TNPO3: variants seen among roughly 807,000 people sequenced by gnomAD.
TNPO3 encodes the protein transportin 3, also known as transportin-3.
A neutral mutation model predicts 122.8 loss-of-function variants in TNPO3; 65 were observed. The observed-to-expected ratio is 0.53, with a 90% CI of 0.43 to 0.65. The LOEUF (loss-of-function observed/expected upper bound fraction) is 0.65. Among genes scored for constraint, TNPO3 ranks in the 30% least tolerant of loss-of-function variants. The probability of loss-of-function intolerance (pLI) is 0.00; values close to 1 mark genes in which losing one functional copy is unlikely to be tolerated. For missense variants in TNPO3, 850 were observed against 1,136.7 expected (o/e 0.75, Z 3.63); for synonymous variants, 372 against 411.2 (o/e 0.90, Z 1.15).
intron 1 of TNPO3, among the ~76,000 whole-genome samples, chr7:129,038,379 G>A (rs144374970): frequency 1.3e-5 from 2 of 152,322 alleles, no homozygotes; most frequent in Non-Finnish European, 2.9e-5. Context: ...CACACTGTTG[G>A]TGGGAGTGTA....
chr7:129,034,894 CAAAA>C (rs1219082555), intron 1 of TNPO3, among the ~76,000 whole-genome samples: 3 of 48,384 alleles, frequency 6.2e-5, no homozygotes, highest in Non-Finnish European at 4.2e-5. Context: ...GACTCTGTCT[CAAAA>C]AAAAAAAAAA....
At chr7:128,988,670 C>CA (rs1383770340) in intron 11 of TNPO3, among the ~76,000 whole-genome samples, 1 of 152,010 alleles carries the variant, frequency 6.6e-6, no homozygotes, top group Non-Finnish European at 1.5e-5. Context: ...TTAAAACAAA[C>CA]AAATCTACTA....
chr7:129,001,232 T>C lies in TNPO3; in HGVS notation c.699A>G (p.Gln233=). 6.3e-7 allele frequency: 1 copy of C among 1,597,320 alleles called. No homozygotes were observed. The highest frequency in any genetic ancestry group is 8.6e-7 in the Non-Finnish European group (1 of 1,167,138). The part of the protein sequence containing the change: ...KLLALLFEVL[Q]QDKTSSNLHE... The stretch of plus-strand genomic sequence containing the variant: ...GTAGGTTAGACGAGGTCTTATCCTG[T>C]TGCTGGGGAGGTAGCAGGAATAGGG... The change falls in exon 6 of 23, where the codon CAA becomes CAG. Residue 233 remains glutamine, a splice_region_variant and synonymous_variant. Coordinates refer to ENST00000265388, the MANE Select transcript of TNPO3 (RefSeq NM_012470.4).
At chr7:128,989,870 A>T in intron 11 of TNPO3, 91 bp downstream of exon 11, 1 of 1,460,828 alleles carries the variant, frequency 6.8e-7, no homozygotes, top group Middle Eastern at 2.0e-4. Context: ...TTAAAAAAAC[A>T]GAAAGGAAAA....
intron 1 of TNPO3, among the ~76,000 whole-genome samples, chr7:129,045,497 G>GA (rs766170949): frequency 0.029 from 2,469 of 84,568 alleles, 82 homozygotes; most frequent in Admixed American, 0.13. Context: ...CCCTGTCTCA[G>GA]AAAAAAAAAA....
chr7:128,976,027 T>C lies in TNPO3; in HGVS notation c.2062-92A>G, dbSNP rs542285600. 3.1e-5 allele frequency: 27 copies of C among 884,324 alleles called. No individual in the cohort carries two copies. The African/African-American group carries it at 3.1e-4, about 10-fold the overall frequency. 54.8% of individuals were successfully genotyped at this position (884,324 alleles called of 1,614,324 possible). On this transcript the variant is annotated intron_variant, in intron 16 of 22. Coordinates refer to ENST00000265388, the MANE Select transcript of TNPO3 (RefSeq NM_012470.4). ...CTCCAGGAAGAAATTCAGAGATAGA[T>C]TGGCTTCTTCTCTTTAAGGCAACAT... is the stretch of plus-strand genomic sequence containing the variant.
At chr7:128,992,596 G>T (rs1177420285) in intron 9 of TNPO3, among the ~76,000 whole-genome samples, 2 of 152,046 alleles carry the variant, frequency 1.3e-5, no homozygotes, top group Non-Finnish European at 2.9e-5. Flanking sequence ...TTAAAAAAAG[G>T]TACACCTAGC....
In TNPO3 at chr7:128,991,987, T is replaced by G. The variant is rs746455886; in HGVS notation, c.1358+12A>C. On this transcript the variant is annotated intron_variant, in intron 10 of 22. Coordinates refer to ENST00000265388, the MANE Select transcript of TNPO3 (RefSeq NM_012470.4). ...TTTAGAGTTCCCAGCAAAAGACTTA[T>G]GAGACACTCACGGATCAACACTCTT... 7.6e-6 allele frequency: 12 copies of G among 1,570,606 alleles called. No homozygotes were observed. The highest frequency in any genetic ancestry group is 9.5e-6 in the Non-Finnish European group (11 of 1,156,160).
chr7:129,041,195 T>C (rs1044816709), intron 1 of TNPO3, among the ~76,000 whole-genome samples: 18 of 151,856 alleles, frequency 1.2e-4, no homozygotes, highest in African/African-American at 3.4e-4. Context: ...AGCAAGATCC[T>C]GTCTCTAAAA....
intron 3 of TNPO3, among the ~76,000 whole-genome samples, chr7:129,016,224 C>T (rs532835514): frequency 6.6e-6 from 1 of 152,090 alleles, no homozygotes; most frequent in African/African-American, 2.4e-5. Flanking sequence ...CCAAACCCCG[C>T]CTCTACTGAA....
At chr7:128,964,497 G>A (rs536578184) in intron 21 of TNPO3, among the ~76,000 whole-genome samples, 211 of 152,002 alleles carry the variant, frequency 1.4e-3, no homozygotes, top group South Asian at 1.7e-3. Flanking sequence ...CACCACGCCC[G>A]GCTAATTTTT....
chr7:129,016,131 G>A (rs1803828247), intron 3 of TNPO3, among the ~76,000 whole-genome samples: 2 of 152,040 alleles, frequency 1.3e-5, no homozygotes, highest in Admixed American at 1.3e-4. Context: ...AGCTGGATGA[G>A]GTGGCTCACG....
intron 19 of TNPO3, 93 bp downstream of exon 19, chr7:128,972,333 G>C: frequency 7.2e-7 from 1 of 1,389,654 alleles, no homozygotes; most frequent in Admixed American, 2.1e-5. Context: ...GATCAAGTAA[G>C]GAAATACTGG....
chr7:129,034,808 T>C (rs1313338190), intron 1 of TNPO3, among the ~76,000 whole-genome samples: 1 of 138,074 alleles, frequency 7.2e-6, no homozygotes, highest in Admixed American at 8.0e-5. Context: ...GGCAGGAGAA[T>C]GGCGTGAACC....
At chr7:128,958,137 C>CTTT (rs55683535) in intron 21 of TNPO3, among the ~76,000 whole-genome samples, 2,921 of 96,154 alleles carry the variant, frequency 0.03, 198 homozygotes, top group African/African-American at 0.053. Flanking sequence ...GAAGCACTTC[C>CTTT]TTTTTTTTTT....
At chr7:128,961,405 G>C (rs1266454885) in intron 21 of TNPO3, among the ~76,000 whole-genome samples, 1 of 152,106 alleles carries the variant, frequency 6.6e-6, no homozygotes, top group Non-Finnish European at 1.5e-5. Context: ...TAGCCTAGGA[G>C]CAATAGGCTA....
chr7:128,957,598 T>C (rs1272746821), intron 21 of TNPO3, among the ~76,000 whole-genome samples: 1 of 152,220 alleles, frequency 6.6e-6, no homozygotes, highest in East Asian at 1.9e-4. Context: ...AAGTTACCAA[T>C]CTTTGTCTCA....
At chr7:129,021,449 C>CT (rs1373111044) in intron 1 of TNPO3, among the ~76,000 whole-genome samples, 3 of 151,536 alleles carry the variant, frequency 2.0e-5, no homozygotes, top group African/African-American at 7.3e-5. Context: ...ACAGTTTAGC[C>CT]TTTATAAAAC....
intron 1 of TNPO3, among the ~76,000 whole-genome samples, chr7:129,028,419 T>C (rs185363815): frequency 6.6e-6 from 1 of 151,734 alleles, no homozygotes; most frequent in Admixed American, 6.6e-5. Flanking sequence ...AAAAAAGGTC[T>C]CAAATCAACA....
Sources: gnomAD v4.1 joint callset for allele counts (sites outside exome capture counted in the v4.1 genomes callset) on GRCh38, gnomAD v4.1.1 for gene constraint, MANE v1.5 for transcripts, NCBI Gene and HGNC (gene_info 2026-07-23, HGNC 2026-07-21) for gene names.